The following LMNB1 variants were observed in gnomAD, a reference collection of about 807,000 sequenced individuals.
The protein encoded by LMNB1 is lamin B1, also known as lamin-B1.
Under a neutral mutation model 67.1 loss-of-function variants are expected in LMNB1, and 23 were observed. That is an observed-to-expected ratio of 0.34 (90% CI 0.25 to 0.49). The LOEUF (loss-of-function observed/expected upper bound fraction) is 0.49. Among genes scored for constraint, LMNB1 ranks in the 20% least tolerant of loss-of-function variants. LMNB1 has a pLI of 0.99. For synonymous variants in LMNB1, 281 were observed against 282.9 expected (o/e 0.99, Z 0.07); for missense variants, 634 against 746.5 (o/e 0.85, Z 1.76).
intron 3 of LMNB1, among the ~76,000 whole-genome samples, chr5:126,808,403 G>T (rs1404285264): frequency 2.0e-5 from 3 of 150,440 alleles, no homozygotes; most frequent in African/African-American, 7.3e-5. Flanking sequence ...TGGCCAGGCT[G>T]GTCTAAAACT....
At position 126,777,651 on chromosome 5, in the gene LMNB1, A is replaced by G; in HGVS notation, c.143A>G (p.Asp48Gly). Residue 48 changes from aspartate (D) to glycine (G), a missense_variant, in exon 1 of 11, where the codon GAC becomes GGC. Coordinates refer to ENST00000261366, the MANE Select transcript of LMNB1 (RefSeq NM_005573.4). ...AATGACCGGCTGGCGGTGTACATCGACAAGGTGCGCAGCCTGGAGACGGAG... is the reference window on the plus strand; with the variant it reads ...AATGACCGGCTGGCGGTGTACATCGGCAAGGTGCGCAGCCTGGAGACGGAG... ...ELNDRLAVYI[D>G]KVRSLETENS... 6.5e-7 allele frequency: 1 copy of G among 1,544,226 alleles called. No individual in the cohort carries two copies. The highest frequency in any genetic ancestry group is 8.7e-7 in the Non-Finnish European group (1 of 1,144,622).
intron 3 of LMNB1, among the ~76,000 whole-genome samples, chr5:126,806,235 G>C (rs1175099754): frequency 6.6e-6 from 1 of 152,202 alleles, no homozygotes; most frequent in Non-Finnish European, 1.5e-5. Context: ...TTACAGGTGT[G>C]AGCCACCACA....
intron 1 of LMNB1, among the ~76,000 whole-genome samples, chr5:126,789,135 C>T (rs909760764): frequency 1.3e-5 from 2 of 151,978 alleles, no homozygotes; most frequent in Admixed American, 6.6e-5. Flanking sequence ...AATCCGCCTG[C>T]CTCGGCCTCT....
chr5:126,797,807 G>A (rs1751141377), intron 1 of LMNB1, among the ~76,000 whole-genome samples: 2 of 152,172 alleles, frequency 1.3e-5, no homozygotes, highest in African/African-American at 4.8e-5. Flanking sequence ...TGAGTGCAGT[G>A]GCTCATGCTG....
At chr5:126,788,896 G>T (rs943626247) in intron 1 of LMNB1, among the ~76,000 whole-genome samples, 4 of 84,830 alleles carry the variant, frequency 4.7e-5, no homozygotes, top group Non-Finnish European at 1.1e-4. Context: ...GTTTTTTTTT[G>T]TTTTTTTTGT....
intron 10 of LMNB1, among the ~76,000 whole-genome samples, 183 bp from the exon 11 acceptor site, chr5:126,836,040 T>TC (rs1236607731): frequency 6.6e-6 from 1 of 152,084 alleles, no homozygotes; most frequent in Non-Finnish European, 1.5e-5. Flanking sequence ...AGTGAGACTC[T>TC]ATCTCAAACA....
At chr5:126,803,123 T>G (rs1233966409) in intron 1 of LMNB1, among the ~76,000 whole-genome samples, 2 of 147,712 alleles carry the variant, frequency 1.4e-5, no homozygotes, top group East Asian at 4.1e-4. Context: ...GAGGCAGAGG[T>G]TGCAATGAGC....
chr5:126,827,086 C>A lies in LMNB1; in HGVS notation c.1611+979C>A, dbSNP rs1178205427. Among the ~76,000 whole-genome samples, 3 of 152,128 alleles carry A rather than the reference C, an allele frequency of 2.0e-5. No individual in the cohort carries two copies. The East Asian group carries it at 5.8e-4, about 29-fold the overall frequency. ...CTGCTGTTTGTACCTTACAACCTGA[C>A]TGGGTATGCATTTCAGTCTGAGTGG... On this transcript the variant is annotated intron_variant, in intron 9 of 10. Coordinates refer to ENST00000261366, the MANE Select transcript of LMNB1 (RefSeq NM_005573.4).
At chr5:126,812,204 T>C (rs984269775) in intron 5 of LMNB1, among the ~76,000 whole-genome samples, 4 of 152,226 alleles carry the variant, frequency 2.6e-5, no homozygotes, top group African/African-American at 9.6e-5. Flanking sequence ...CCGACCTGTC[T>C]AACAGCTTCA....
intron 1 of LMNB1, among the ~76,000 whole-genome samples, chr5:126,780,820 T>A (rs187065652): frequency 1.3e-5 from 2 of 152,288 alleles, no homozygotes; most frequent in African/African-American, 2.4e-5. Context: ...GGACTTTTTT[T>A]ATATGGATTT....
At chr5:126,788,120 T>A (rs1750855710) in intron 1 of LMNB1, among the ~76,000 whole-genome samples, 1 of 152,010 alleles carries the variant, frequency 6.6e-6, no homozygotes, top group Non-Finnish European at 1.5e-5. Context: ...GAGTCTAGGG[T>A]GACTGCTTCC....
intron 1 of LMNB1, among the ~76,000 whole-genome samples, chr5:126,780,556 T>A (rs567414020): frequency 2.1e-4 from 32 of 152,234 alleles, no homozygotes; most frequent in Non-Finnish European, 4.1e-4. Context: ...TGATACAATT[T>A]AGGTAATAGC....
intron 1 of LMNB1, among the ~76,000 whole-genome samples, chr5:126,784,181 C>T (rs941591846): frequency 4.7e-5 from 7 of 150,462 alleles, no homozygotes; most frequent in Admixed American, 3.3e-4. Context: ...TGCGCCACTA[C>T]ACCCGGCTGA....
chr5:126,783,701 A>G (rs1202036438), intron 1 of LMNB1, among the ~76,000 whole-genome samples: 1 of 152,184 alleles, frequency 6.6e-6, no homozygotes, highest in East Asian at 1.9e-4. Context: ...AAGATAAAGC[A>G]CTATTAAAAT....
rs529017996 is a variant in LMNB1 at position 126,816,294 on chromosome 5, TTTAA to T, written c.940-2621_940-2618del. 9.2e-5 allele frequency among the ~76,000 whole-genome samples: 14 copies of T among 152,312 alleles called. No individual in the cohort carries two copies. The East Asian group carries it at 2.5e-3, about 27-fold the overall frequency. On this transcript the variant is annotated intron_variant, in intron 5 of 10. Transcript: ENST00000261366. ...TGTCAAGTCATATACTACTCTGGAA[TTTAA>T]TTAATTGATTGGTCAATTTTTTTTC...
At chr5:126,823,841 G>A (rs1306211677) in intron 8 of LMNB1, among the ~76,000 whole-genome samples, 1 of 152,042 alleles carries the variant, frequency 6.6e-6, no homozygotes, top group African/African-American at 2.4e-5. Flanking sequence ...CTTTCTTCTC[G>A]TTAGTAATTA....
Position 126,798,810 on chromosome 5 carries a change from A to G in LMNB1, c.360-5966A>G, listed in dbSNP as rs551869365. The stretch of plus-strand genomic sequence containing the variant: ...GCGTGTGCTTGTAACATTTAGCAAA[A>G]TAGTCATTATCTGAGTTTTCTGTGC... On this transcript the variant is annotated intron_variant, in intron 1 of 10. Transcript: ENST00000261366. Among the ~76,000 whole-genome samples the G allele has an allele frequency of 3.3e-5, 5 of 150,944 alleles. No individual in the cohort carries two copies. The East Asian group carries it at 9.7e-4, about 29-fold the overall frequency.
Position 126,823,616 on chromosome 5 carries a change from C to CT in LMNB1, c.1491+734dup, listed in dbSNP as rs1751921872. On this transcript the variant is annotated intron_variant, in intron 8 of 10. Coordinates refer to ENST00000261366, the MANE Select transcript of LMNB1 (RefSeq NM_005573.4). ...TAAAAGAATGTAGAGGTGACTGTCT[C>CT]TTTCCTTTTATATATTCTTTAAAAA... 2.6e-5 allele frequency among the ~76,000 whole-genome samples: 4 copies of CT among 152,248 alleles called. No homozygotes were observed. The South Asian group carries it at 8.3e-4, about 32-fold the overall frequency.
chr5:126,786,892 C>T (rs928122042), intron 1 of LMNB1, among the ~76,000 whole-genome samples: 1 of 152,162 alleles, frequency 6.6e-6, no homozygotes, highest in African/African-American at 2.4e-5. Flanking sequence ...TGAAAGAGAT[C>T]GCTTTTATCT....
Sources: gnomAD v4.1 joint callset for allele counts (sites outside exome capture counted in the v4.1 genomes callset) on GRCh38, gnomAD v4.1.1 for gene constraint, MANE v1.5 for transcripts, NCBI Gene and HGNC (gene_info 2026-07-23, HGNC 2026-07-21) for gene names.